ZNF99: variants seen among roughly 807,000 people sequenced by gnomAD.
The protein encoded by ZNF99 is zinc finger protein 99.
A neutral mutation model predicts 12.8 loss-of-function variants in ZNF99; 8 were observed. The ratio of observed to expected loss-of-function variants is 0.62; its 90% CI spans 0.37 to 1.13. The LOEUF (loss-of-function observed/expected upper bound fraction) is 1.13. Among genes scored for constraint, ZNF99 ranks in the 50% most tolerant of loss-of-function variants. The pLI, the probability that ZNF99 is intolerant of heterozygous loss-of-function variation, is 0.02. For synonymous variants in ZNF99, 318 were observed against 319.0 expected (o/e 1.00, Z 0.03); for missense variants, 1,007 against 1,006.2 (o/e 1.00, Z -0.01).
chr19:22,767,076 C>T (rs1973212365), intron 3 of ZNF99, among the ~76,000 whole-genome samples: 1 of 148,976 alleles, frequency 6.7e-6, no homozygotes, highest in Non-Finnish European at 1.5e-5. Context: ...TTGAGAACAG[C>T]CTGAGCAACA....
At position 22,755,538 on chromosome 19, in the gene ZNF99, G is replaced by GGT; in HGVS notation, c.*1775_*1776insAC. 6.5e-6 allele frequency: 2 copies of GGT among 309,514 alleles called. No individual in the cohort carries two copies. The highest frequency in any genetic ancestry group is 4.0e-5 in the Admixed American group (1 of 24,734). The allele number at this position is 309,514 out of a possible 1,614,324, so 19.2% of individuals were successfully genotyped here. A position where few individuals can be genotyped will look rare whatever the true frequency, so the allele number is the denominator to read the frequency against. On this transcript the variant is annotated 3_prime_UTR_variant, in exon 4 of 4. Transcript: ENST00000596209. ...TTGCCACATTCTTCACATTTGTAAA[G>GGT]TATCTCTCCAGTATGAATTATCTTA...
chr19:22,772,848 T>A lies in ZNF99; in HGVS notation c.4-3524A>T, dbSNP rs1973287699. 2.0e-5 allele frequency among the ~76,000 whole-genome samples: 3 copies of A among 152,156 alleles called. No homozygotes were observed. In the South Asian group the frequency reaches 6.2e-4, roughly 32 times the overall value. The stretch of plus-strand genomic sequence containing the variant: ...GTTGCAGTTTTAGGTCCTGAATGGA[T>A]GGAGTAGCAGCAGGTGTTCCCTGCA... On this transcript the variant is annotated intron_variant, in intron 1 of 3. Coordinates refer to ENST00000596209, the MANE Select transcript of ZNF99 (RefSeq NM_001080409.3).
rs921487031 is a variant in ZNF99, at chr19:22,754,154, G to T, written c.*3160C>A. On this transcript the variant is annotated 3_prime_UTR_variant, in exon 4 of 4. Transcript: ENST00000596209. ...GGCCAAGGCGGGTGGATCACTTGAG[G>T]TCAGGAGTTCAAAACCAGCCTGGTC... The T allele has an allele frequency of 4.4e-6, 2 of 452,988 alleles. No individual in the cohort carries two copies. The highest frequency in any genetic ancestry group is 4.0e-5 in the African/African-American group (2 of 49,896). 28.1% of individuals were successfully genotyped at this position (452,988 alleles called of 1,614,324 possible). A position where few individuals can be genotyped will look rare whatever the true frequency, so the allele number is the denominator to read the frequency against.
intron 1 of ZNF99, among the ~76,000 whole-genome samples, chr19:22,782,327 T>C (rs932462682): frequency 6.6e-6 from 1 of 151,928 alleles, no homozygotes; most frequent in African/African-American, 2.4e-5. Context: ...GCAAATAGAC[T>C]GAGGTGGCTC....
chr19:22,764,628 CA>C (rs1221553851), intron 3 of ZNF99, among the ~76,000 whole-genome samples: 1 of 146,560 alleles, frequency 6.8e-6, no homozygotes, highest in Non-Finnish European at 1.5e-5. Flanking sequence ...TGCACTCAAA[CA>C]AATCAGCAAG....
At chr19:22,769,401 A>G in intron 1 of ZNF99, 77 bp from the exon 2 acceptor site, 1 of 1,483,450 alleles carries the variant, frequency 6.7e-7, no homozygotes. Flanking sequence ...TCAAGGTGAA[A>G]TGAGAGAGTA....
rs1414045275 is a variant in ZNF99, at chr19:22,758,650, G to A, written c.1259C>T (p.Thr420Ile). Residue 420 changes from threonine (T) to isoleucine (I), a missense_variant, in exon 4 of 4, where the codon ACT becomes ATT. Thr to Ile is a moderately conservative substitution (Grantham distance 89, BLOSUM62 -1). Transcript: ENST00000596209. ...SKLTVHKVIH[T>I]AEKPCKCEEC... ...TTCACATTTGCAGGGTTTCTCTGCA[G>A]TATGAATTACCTTATGTACAGTAAG... 8.7e-6 allele frequency: 14 copies of A among 1,609,606 alleles called. No homozygotes were observed. In the Admixed American group the frequency reaches 2.0e-4, roughly 23 times the overall value.
intron 1 of ZNF99, among the ~76,000 whole-genome samples, chr19:22,777,691 T>C (rs563822970): frequency 1.3e-5 from 2 of 152,102 alleles, no homozygotes; most frequent in African/African-American, 4.8e-5. Flanking sequence ...GAACCTCATG[T>C]TGGTGGAAAA....
intron 3 of ZNF99, 88 bp from the exon 4 acceptor site, chr19:22,759,770 C>T (rs1429976536): frequency 3.1e-5 from 31 of 1,003,834 alleles, no homozygotes; most frequent in Non-Finnish European, 3.7e-5. Flanking sequence ...TTATACAAAC[C>T]GCTTAAGCAA....
chr19:22,779,251 C>A (rs1417440541), intron 1 of ZNF99, among the ~76,000 whole-genome samples: 2 of 151,954 alleles, frequency 1.3e-5, no homozygotes, highest in Non-Finnish European at 2.9e-5. Context: ...TCGGGCCGGG[C>A]GCGGTAGCTC....
intron 3 of ZNF99, among the ~76,000 whole-genome samples, 161 bp from the exon 4 acceptor site, chr19:22,759,843 A>G (rs1411516322): frequency 1.3e-5 from 2 of 152,232 alleles, no homozygotes; most frequent in East Asian, 3.9e-4. Flanking sequence ...TAATAAAAAC[A>G]TACTGACCAA....
chr19:22,756,240 T>C lies in ZNF99; in HGVS notation c.*1074A>G. On this transcript the variant is annotated 3_prime_UTR_variant, in exon 4 of 4. Transcript: ENST00000596209. ...TCCCCAGTATGAATTATCTTATGTT[T>C]AGTAAGGGCTGAAAGATGGTTAAAA... 1 of 1,573,562 alleles carries C rather than the reference T, an allele frequency of 6.4e-7. No homozygotes were observed. The highest frequency in any genetic ancestry group is 8.6e-7 in the Non-Finnish European group (1 of 1,159,562).
chr19:22,770,470 C>A (rs1973255432), intron 1 of ZNF99: 1 of 152,566 alleles, frequency 6.6e-6, no homozygotes, highest in Non-Finnish European at 1.5e-5. Context: ...GATTCTCCTG[C>A]CTCAGCCTCC....
rs1039310211 is a variant in ZNF99 at position 22,752,484 on chromosome 19, AAAG to A, written c.*4827_*4829del. On this transcript the variant is annotated 3_prime_UTR_variant, in exon 4 of 4. Transcript: ENST00000596209. ...TTTAAATTTGTCAAGGCAAAAAAAA[AAAG>A]AAGTTTAAATAAGATTAAAAGTATA... is the stretch of plus-strand genomic sequence containing the variant. 2.6e-5 allele frequency: 4 copies of A among 152,098 alleles called. No individual in the cohort carries two copies. Among genetic ancestry groups the A allele is most frequent in the Non-Finnish European group, 4.4e-5 (3 of 67,998 alleles). The allele number at this position is 152,098 out of a possible 1,614,324, so 9.4% of individuals were successfully genotyped here. A position where few individuals can be genotyped will look rare whatever the true frequency, so the allele number is the denominator to read the frequency against.
intron 1 of ZNF99, among the ~76,000 whole-genome samples, chr19:22,775,642 T>C (rs1233401294): frequency 6.6e-6 from 1 of 152,036 alleles, no homozygotes; most frequent in East Asian, 1.9e-4. Context: ...TAAAAGAAAA[T>C]ATTTGCAAAC....
chr19:22,760,508 GC>G (rs1973138407), intron 3 of ZNF99, among the ~76,000 whole-genome samples: 1 of 152,106 alleles, frequency 6.6e-6, no homozygotes, highest in Non-Finnish European at 1.5e-5. Context: ...ACCTTGAGAG[GC>G]CTAGGTGGGC....
rs1973094821 is a variant in ZNF99, at chr19:22,758,073, C to T, written c.1836G>A (p.Gln612=). The part of the protein sequence containing the change: ...FNHFSALRKH[Q]IIHTGKKPYK... ...AGGGTTTCTTTCCAGTATGAATTAT[C>T]TGATGTTTTCTAAGGGCTGAGAAGT... The change falls in exon 4 of 4, where the codon CAG becomes CAA. Residue 612 remains glutamine (Q), a synonymous_variant. Transcript: ENST00000596209. 6.2e-7 allele frequency: 1 copy of T among 1,604,444 alleles called. No homozygotes were observed. The highest frequency in any genetic ancestry group is 1.7e-5 in the Admixed American group (1 of 59,510).
intron 1 of ZNF99, 132 bp from the exon 2 acceptor site, chr19:22,769,456 TA>T (rs1973241457): frequency 9.9e-7 from 1 of 1,010,648 alleles, no homozygotes; most frequent in African/African-American, 1.7e-5. Context: ...ACGTATTCAG[TA>T]AAATAATTTT....
At position 22,755,175 on chromosome 19, in the gene ZNF99, G is replaced by A; in HGVS notation, c.*2139C>T. ...GTTGTTTAGCAAGAGTTGAGGACTG[G>A]CTAAAAGCATTGCCACTTTCTTCAC... is the stretch of plus-strand genomic sequence containing the variant. On this transcript the variant is annotated 3_prime_UTR_variant, in exon 4 of 4. Coordinates refer to ENST00000596209, the MANE Select transcript of ZNF99 (RefSeq NM_001080409.3). 1 of 272,032 alleles carries A rather than the reference G, an allele frequency of 3.7e-6. No individual in the cohort carries two copies. Among genetic ancestry groups the A allele is most frequent in the Non-Finnish European group, 7.4e-6 (1 of 135,042 alleles). 16.9% of individuals were successfully genotyped at this position (272,032 alleles called of 1,614,324 possible). A position where few individuals can be genotyped will look rare whatever the true frequency, so the allele number is the denominator to read the frequency against.
Sources: allele counts gnomAD v4.1 joint callset (sites outside exome capture counted in the v4.1 genomes callset), GRCh38; gene constraint gnomAD v4.1.1; transcripts MANE v1.5; gene names NCBI Gene and HGNC (gene_info 2026-07-23, HGNC 2026-07-21).